ERBB4: variants seen among roughly 807,000 people sequenced by gnomAD.
ERBB4 encodes erb-b2 receptor tyrosine kinase 4, also known as receptor tyrosine-protein kinase erbB-4.
Under a neutral mutation model 158.0 loss-of-function variants are expected in ERBB4, and 42 were observed. The ratio of observed to expected loss-of-function variants is 0.27; its 90% CI spans 0.21 to 0.34. The LOEUF (loss-of-function observed/expected upper bound fraction) is 0.34. ERBB4 is among the 10% of genes least tolerant of loss of function. ERBB4 has a pLI of 1.00. For missense variants in ERBB4, 1,333 were observed against 1,624.1 expected, an observed-to-expected ratio of 0.82 and a Z score of 3.08; for synonymous variants, 583 against 558.7, an observed-to-expected ratio of 1.04 and a Z score of -0.61.
chr2:212,514,589 G>A (rs1406242893), intron 1 of ERBB4, among the ~76,000 whole-genome samples: 2 of 152,024 alleles, frequency 1.3e-5, no homozygotes, highest in African/African-American at 4.8e-5. Flanking sequence ...GGCGGATCAC[G>A]AGGTCAAGAG....
At chr2:212,513,921 G>A (rs935200276) in intron 1 of ERBB4, among the ~76,000 whole-genome samples, 3 of 152,186 alleles carry the variant, frequency 2.0e-5, no homozygotes, top group Non-Finnish European at 4.4e-5. Context: ...ACTCTAAAGT[G>A]TATGTTTTAG....
chr2:211,613,201 T>C (rs2069264870), intron 19 of ERBB4, among the ~76,000 whole-genome samples: 1 of 152,094 alleles, frequency 6.6e-6, no homozygotes, highest in Admixed American at 6.6e-5. Context: ...CATTGAGATA[T>C]TTCAATATTT....
At position 212,124,752 on chromosome 2, in the gene ERBB4, C is replaced by G. The variant is rs2125570321; in HGVS notation, c.234G>C (p.Arg78=). 6.2e-7 allele frequency: 1 copy of G among 1,614,114 alleles called. No homozygotes were observed. Among genetic ancestry groups the G allele is most frequent in the Non-Finnish European group, 8.5e-7 (1 of 1,179,992 alleles). ...IEHNRDLSFL[R]SVREVTGYVL... is the part of the protein sequence containing the mutation. ...AAGAGAAAGAAAGCCACAGCTTTAC[C>G]CGCAGGAAGGAGAGGTCCCGGTTGT... The change falls in exon 2 of 28, where the codon CGG becomes CGC. Residue 78 remains arginine (R), a splice_region_variant and synonymous_variant. Transcript: ENST00000342788.
At chr2:211,706,423 C>G (rs2073441484) in intron 9 of ERBB4, among the ~76,000 whole-genome samples, 1 of 152,000 alleles carries the variant, frequency 6.6e-6, no homozygotes, top group African/African-American at 2.4e-5. Context: ...GGCATATGGC[C>G]TATGTCCTGG....
chr2:212,120,531 A>T (rs1474203184), intron 2 of ERBB4, among the ~76,000 whole-genome samples: 1 of 152,228 alleles, frequency 6.6e-6, no homozygotes, highest in Non-Finnish European at 1.5e-5. Context: ...GAATATGCAG[A>T]TAGTGAATAA....
chr2:211,435,257 T>C (rs766842375), intron 20 of ERBB4, among the ~76,000 whole-genome samples: 2 of 152,190 alleles, frequency 1.3e-5, no homozygotes, highest in African/African-American at 2.4e-5. Flanking sequence ...AGTTCCCGTA[T>C]CCACGTCAGG....
intron 1 of ERBB4, among the ~76,000 whole-genome samples, chr2:212,366,268 T>A (rs1170917596): frequency 1.3e-5 from 2 of 152,004 alleles, no homozygotes; most frequent in African/African-American, 4.8e-5. Context: ...TTGGCAGTTT[T>A]CACTGTGTGG....
At chr2:212,180,748 C>T (rs540354569) in intron 1 of ERBB4, among the ~76,000 whole-genome samples, 3 of 151,776 alleles carry the variant, frequency 2.0e-5, no homozygotes, top group East Asian at 3.9e-4. Flanking sequence ...CATTTAGAAA[C>T]GTATATTTCT....
At position 211,605,004 on chromosome 2, in the gene ERBB4, C is replaced by T. The variant is rs191895018; in HGVS notation, c.2301+14173G>A. On this transcript the variant is annotated intron_variant, in intron 19 of 27. Transcript: ENST00000342788. Reference sequence around the variant, plus strand: ...ATTTTCTTATTATAAAAAGTTGGCACTAATTATGTAAGTCTTTCTGCTAAC... The same window carrying T: ...ATTTTCTTATTATAAAAAGTTGGCATTAATTATGTAAGTCTTTCTGCTAAC... 1.5e-3 allele frequency among the ~76,000 whole-genome samples: 224 copies of T among 152,232 alleles called. 1 individual carries two copies. Among genetic ancestry groups the T allele is most frequent in the African/African-American group, 5.1e-3 (212 of 41,554 alleles).
intron 1 of ERBB4, among the ~76,000 whole-genome samples, chr2:212,277,885 G>A (rs2085603541): frequency 6.6e-6 from 1 of 151,546 alleles, no homozygotes; most frequent in African/African-American, 2.4e-5. Context: ...TATGTTTCAG[G>A]TTATATTTTG....
chr2:211,609,591 A>G (rs973505086), intron 19 of ERBB4, among the ~76,000 whole-genome samples: 11 of 152,160 alleles, frequency 7.2e-5, no homozygotes, highest in Non-Finnish European at 1.5e-4. Context: ...CACCCAGGCT[A>G]GAATGCTGCA....
At chr2:211,927,155 A>G (rs1334719842) in intron 3 of ERBB4, among the ~76,000 whole-genome samples, 3 of 152,202 alleles carry the variant, frequency 2.0e-5, no homozygotes, top group Non-Finnish European at 1.5e-5. Context: ...ACCTAACCAA[A>G]TTATATCTCC....
intron 1 of ERBB4, among the ~76,000 whole-genome samples, chr2:212,224,218 T>C (rs934065884): frequency 6.6e-6 from 1 of 151,940 alleles, no homozygotes; most frequent in Non-Finnish European, 1.5e-5. Context: ...TCTCTCTTTT[T>C]CAGTCTATAT....
intron 20 of ERBB4, among the ~76,000 whole-genome samples, chr2:211,549,767 G>T (rs564140930): frequency 6.6e-6 from 1 of 152,228 alleles, no homozygotes; most frequent in East Asian, 1.9e-4. Flanking sequence ...CTAGATAATT[G>T]TGCATGCCTG....
intron 2 of ERBB4, among the ~76,000 whole-genome samples, chr2:211,998,167 AAAACTT>A (rs922494706): frequency 3.1e-4 from 47 of 151,958 alleles, no homozygotes; most frequent in Non-Finnish European, 1.0e-4. Context: ...CATGTACCCT[AAAACTT>A]AAAGTATAAT....
At position 212,159,647 on chromosome 2, in the gene ERBB4, C is replaced by T. The variant is rs543001563; in HGVS notation, c.83-34744G>A. 4.6e-5 allele frequency among the ~76,000 whole-genome samples: 7 copies of T among 151,950 alleles called. No homozygotes were observed. The East Asian group carries it at 1.2e-3, about 25-fold the overall frequency. ...TAAATGAATTGTTTTCTTTCATCCT[C>T]ACTGGTGCATTAATGAAAGCCTGCA... On this transcript the variant is annotated intron_variant, in intron 1 of 27. Transcript: ENST00000342788.
intron 20 of ERBB4, among the ~76,000 whole-genome samples, chr2:211,534,771 T>C (rs2066598712): frequency 6.6e-6 from 1 of 151,982 alleles, no homozygotes; most frequent in Admixed American, 6.5e-5. Flanking sequence ...TACTGAGAGG[T>C]AATTTACACA....
chr2:211,443,716 T>C (rs2064041906), intron 20 of ERBB4, among the ~76,000 whole-genome samples: 1 of 152,078 alleles, frequency 6.6e-6, no homozygotes, highest in South Asian at 2.1e-4. Context: ...CCACTAACTA[T>C]ATGCAGCCAT....
At chr2:212,501,078 C>T (rs2106239639) in intron 1 of ERBB4, among the ~76,000 whole-genome samples, 1 of 152,276 alleles carries the variant, frequency 6.6e-6, no homozygotes, top group Non-Finnish European at 1.5e-5. Flanking sequence ...GTAAGCTACA[C>T]AACTCTCTCT....
Sources: allele counts gnomAD v4.1 joint callset (sites outside exome capture counted in the v4.1 genomes callset), GRCh38; gene constraint gnomAD v4.1.1; transcripts MANE v1.5; gene names NCBI Gene and HGNC (gene_info 2026-07-23, HGNC 2026-07-21).